SMURF1: variants seen among roughly 807,000 people sequenced by gnomAD.
SMURF1 encodes SMAD specific E3 ubiquitin protein ligase 1, also known as E3 ubiquitin-protein ligase SMURF1.
SMURF1 carries 44 observed loss-of-function variants against 98.0 expected under a neutral mutation model. The ratio of observed to expected loss-of-function variants is 0.45; its 90% CI spans 0.35 to 0.58. The LOEUF is 0.58. Among genes scored for constraint, SMURF1 ranks in the 20% least tolerant of loss-of-function variants. The pLI is 0.00. For synonymous variants in SMURF1, 396 were observed against 374.9 expected, an observed-to-expected ratio of 1.06 and a Z score of -0.65; for missense variants, 687 against 938.4, an observed-to-expected ratio of 0.73 and a Z score of 3.50.
chr7:99,106,402 A>G (rs942434445), intron 1 of SMURF1, among the ~76,000 whole-genome samples: 3 of 152,260 alleles, frequency 2.0e-5, no homozygotes, highest in Admixed American at 1.3e-4. Flanking sequence ...GTGAAATTTC[A>G]GCATTTATTC....
intron 14 of SMURF1, among the ~76,000 whole-genome samples, chr7:99,037,497 C>T (rs1224620332): frequency 1.3e-5 from 2 of 152,194 alleles, no homozygotes; most frequent in Non-Finnish European, 2.9e-5. Context: ...CCTCGGTCTC[C>T]CAAAGTGTTG....
At position 99,056,430 on chromosome 7, in the gene SMURF1, T is replaced by C. The variant is rs948710084; in HGVS notation, c.403+775A>G. Among the ~76,000 whole-genome samples, 4 of 152,202 alleles carry C rather than the reference T, an allele frequency of 2.6e-5. No homozygotes were observed. In the East Asian group the frequency reaches 5.8e-4, roughly 22 times the overall value. ...GCCTCTAGCCAACACTTTGTAACATTAGCACACTTTAATTTTTCATTCTAA... is the reference window on the plus strand; with the variant it reads ...GCCTCTAGCCAACACTTTGTAACATCAGCACACTTTAATTTTTCATTCTAA... On this transcript the variant is annotated intron_variant, in intron 5 of 17. Transcript: ENST00000361368.
intron 1 of SMURF1, among the ~76,000 whole-genome samples, chr7:99,135,559 T>C (rs1249004799): frequency 3.3e-5 from 5 of 152,252 alleles, no homozygotes; most frequent in African/African-American, 1.2e-4. Flanking sequence ...TTGGAGAATG[T>C]TCCATATCAG....
intron 9 of SMURF1, 62 bp downstream of exon 9, chr7:99,049,501 G>A (rs1160223387): frequency 2.0e-6 from 3 of 1,529,664 alleles, no homozygotes; most frequent in African/African-American, 2.7e-5. Flanking sequence ...AAAAATACCA[G>A]TCCAAGAAAG....
intron 1 of SMURF1, among the ~76,000 whole-genome samples, chr7:99,127,840 A>T (rs550522143): frequency 2.5e-3 from 377 of 152,314 alleles, no homozygotes; most frequent in African/African-American, 8.0e-3. Flanking sequence ...TCCTTTTGTC[A>T]AGTCTTGCTG....
At chr7:99,078,924 T>TC (rs1014922985) in intron 1 of SMURF1, among the ~76,000 whole-genome samples, 3 of 151,994 alleles carry the variant, frequency 2.0e-5, no homozygotes, top group African/African-American at 7.2e-5. Flanking sequence ...CAAAACCATC[T>TC]CCCCCACCCC....
At chr7:99,137,388 T>C (rs376737711) in intron 1 of SMURF1, among the ~76,000 whole-genome samples, 26 of 152,332 alleles carry the variant, frequency 1.7e-4, no homozygotes, top group East Asian at 9.6e-4. Flanking sequence ...CTTTCTTCAT[T>C]GTGGTACTTG....
chr7:99,118,195 C>T (rs1237795298), intron 1 of SMURF1, among the ~76,000 whole-genome samples: 1 of 152,184 alleles, frequency 6.6e-6, no homozygotes, highest in Non-Finnish European at 1.5e-5. Context: ...CCCTTGAACA[C>T]CACTGATGGG....
chr7:99,130,937 GAGGATTC>G (rs1373909550), intron 1 of SMURF1, among the ~76,000 whole-genome samples: 2 of 152,208 alleles, frequency 1.3e-5, no homozygotes, highest in African/African-American at 4.8e-5. Flanking sequence ...AATGAGACAA[GAGGATTC>G]AACTCCAGGC....
At position 99,033,124 on chromosome 7, in the gene SMURF1, T is replaced by TACAAG; in HGVS notation, c.2012-8_2012-4dup. 1 of 1,570,412 alleles carries TACAAG rather than the reference T, an allele frequency of 6.4e-7. No individual in the cohort carries two copies. The highest frequency in any genetic ancestry group is 8.6e-7 in the Non-Finnish European group (1 of 1,157,024). On this transcript the variant is annotated splice_region_variant and splice_polypyrimidine_tract_variant and intron_variant, in intron 16 of 17. Transcript: ENST00000361368. The stretch of plus-strand genomic sequence containing the variant: ...GGGCCCTGCCGCGCCTGTAGAACCT[T>TACAAG]ACAAGACAACATTCTAGTTAATGTA...
At chr7:99,081,496 AG>A in intron 1 of SMURF1, 1 of 152,330 alleles carries the variant, frequency 6.6e-6, no homozygotes, top group African/African-American at 2.4e-5. Flanking sequence ...TTCTGCCTAG[AG>A]ATAGAACTGC....
rs543323249 is a variant in SMURF1, at chr7:99,101,143, G to A, written c.56-39306C>T. Among the ~76,000 whole-genome samples the A allele has an allele frequency of 2.0e-5, 3 of 152,262 alleles. No individual in the cohort carries two copies. In the South Asian group the frequency reaches 6.2e-4, roughly 32 times the overall value. On this transcript the variant is annotated intron_variant, in intron 1 of 17. Transcript: ENST00000361368. The stretch of plus-strand genomic sequence containing the variant: ...TTAAGTTCTGAAGAAATATGGGGGG[G>A]TAGGGAATAGTGAAAGGAATGTCCC...
In SMURF1 at chr7:99,103,531, AT is replaced by A. The variant is rs199582024; in HGVS notation, c.55+40194del. Among the ~76,000 whole-genome samples, 465 of 152,340 alleles carry A rather than the reference AT, an allele frequency of 3.1e-3. 2 individuals carry two copies. The highest frequency in any genetic ancestry group is 0.011 in the African/African-American group (449 of 41,566). On this transcript the variant is annotated intron_variant, in intron 1 of 17. Coordinates refer to ENST00000361368, the MANE Select transcript of SMURF1 (RefSeq NM_181349.3). Reference sequence around the variant, plus strand: ...CTCATTTGAATCCATGACTCAGAGTATTTTAAATATACATATGGAAACCAGA... The same window carrying A: ...CTCATTTGAATCCATGACTCAGAGTATTTAAATATACATATGGAAACCAGA...
chr7:99,115,871 AT>A (rs538435822), intron 1 of SMURF1, among the ~76,000 whole-genome samples: 10,999 of 148,756 alleles, frequency 0.074, 665 homozygotes, highest in African/African-American at 0.17. Flanking sequence ...TACCATAAAC[AT>A]TTTTTTTTTT....
rs138792999 is a variant in SMURF1 at position 99,101,719 on chromosome 7, C to T, written c.56-39882G>A. ...CTTCGGGAGGCCGAGGCAGGCGGAT[C>T]GCCTGAGGTCAGGAGTTGGAAACCA... On this transcript the variant is annotated intron_variant, in intron 1 of 17. Transcript: ENST00000361368. 2.4e-4 allele frequency among the ~76,000 whole-genome samples: 37 copies of T among 152,256 alleles called. No homozygotes were observed. In the East Asian group the frequency reaches 5.8e-3, roughly 24 times the overall value.
chr7:99,073,971 A>C (rs1415620601), intron 1 of SMURF1, among the ~76,000 whole-genome samples: 2 of 152,222 alleles, frequency 1.3e-5, no homozygotes, highest in East Asian at 1.9e-4. Flanking sequence ...CAACAATACA[A>C]ACAATAAAAA....
rs59459375 is a variant in SMURF1, at chr7:99,047,792, G to A, written c.1044C>T (p.Tyr348=). The A allele has an allele frequency of 5.1e-4, 822 of 1,614,176 alleles. 3 individuals carry two copies. The African/African-American group carries it at 9.8e-3, about 19-fold the overall frequency. Reference sequence around the variant, plus strand: ...TCAGCTTCTGGACTAGATCTCTTTCGTATCTCTGGGCAGGAAGCTCCTCGT... The same window carrying A: ...TCAGCTTCTGGACTAGATCTCTTTCATATCTCTGGGCAGGAAGCTCCTCGT... ...LEDEELPAQR[Y]ERDLVQKLKV... Residue 348 remains tyrosine, a synonymous_variant, in exon 10 of 18, where the codon TAC becomes TAT. Transcript: ENST00000361368.
At chr7:99,114,878 T>C (rs529267960) in intron 1 of SMURF1, among the ~76,000 whole-genome samples, 1 of 152,178 alleles carries the variant, frequency 6.6e-6, no homozygotes, top group Middle Eastern at 3.4e-3. Flanking sequence ...TGTGAACTTA[T>C]ACACTGTTAA....
chr7:99,117,745 G>A (rs1797492343), intron 1 of SMURF1, among the ~76,000 whole-genome samples: 2 of 152,008 alleles, frequency 1.3e-5, no homozygotes, highest in Admixed American at 1.3e-4. Context: ...CATAAAATGG[G>A]AGAAAATATT....
Sources: allele counts gnomAD v4.1 joint callset (sites outside exome capture counted in the v4.1 genomes callset), GRCh38; gene constraint gnomAD v4.1.1; transcripts MANE v1.5; gene names NCBI Gene and HGNC (gene_info 2026-07-23, HGNC 2026-07-21).